The following HSPA14 variants were observed in gnomAD, a reference collection of about 807,000 sequenced individuals.
HSPA14 encodes heat shock protein family A (Hsp70) member 14.
In HSPA14, 37 loss-of-function variants were observed where a neutral mutation model predicts 65.5. The ratio of observed to expected loss-of-function variants is 0.56; its 90% CI spans 0.43 to 0.74. The LOEUF is 0.74. HSPA14 is among the 30% of genes least tolerant of loss of function. HSPA14 has a pLI of 0.00. For missense variants in HSPA14, 564 were observed against 607.6 expected (o/e 0.93, Z 0.75); for synonymous variants, 203 against 214.2 (o/e 0.95, Z 0.46).
At chr10:14,851,059 TTTC>T (rs1347102695) in intron 6 of HSPA14, 157 bp from the exon 7 acceptor site, 15 of 569,634 alleles carry the variant, frequency 2.6e-5, no homozygotes, top group Non-Finnish European at 4.3e-5. Flanking sequence ...TAGTCATTCA[TTTC>T]TTGTTTTCTA....
At chr10:14,862,570 T>C (rs897722268) in intron 10 of HSPA14, among the ~76,000 whole-genome samples, 1 of 149,542 alleles carries the variant, frequency 6.7e-6, no homozygotes, top group Non-Finnish European at 1.5e-5. Flanking sequence ...AGAGACAGGG[T>C]TTCACTGTGT....
intron 4 of HSPA14, 35 bp from the exon 5 acceptor site, chr10:14,848,755 T>A (rs1189428957): frequency 2.1e-6 from 3 of 1,439,042 alleles, no homozygotes; most frequent in Non-Finnish European, 1.9e-6. Flanking sequence ...TTATTAAAAA[T>A]TATTTATTTA....
In HSPA14 at chr10:14,854,255, C is replaced by T; in HGVS notation, c.865C>T (p.Gln289Ter). ...TTTTCTTGACTCATTATATGAAGGT[C>T]AAGATTTTGATTGCAATGTGTCCAG... ...NCFLDSLYEGQDFDCNVSRAR... is the reference protein window; with the variant it reads ...NCFLDSLYEG Residue 289 changes from glutamine to a stop codon, truncating the protein, a stop_gained, in exon 9 of 14, where the codon CAA becomes TAA. Coordinates refer to ENST00000378372, the MANE Select transcript of HSPA14 (RefSeq NM_016299.4). LOFTEE classifies it high-confidence loss of function. 1 of 1,608,234 alleles carries T rather than the reference C, an allele frequency of 6.2e-7. No individual in the cohort carries two copies. Among genetic ancestry groups the T allele is most frequent in the Non-Finnish European group, 8.5e-7 (1 of 1,178,490 alleles).
rs1028231489 is a variant in HSPA14, at chr10:14,871,705, A to G, written c.*99A>G. ...TTAAAATACTTTTTCAATGAACTGT[A>G]TAAACTATGTTTTATTAAACTACAA... On this transcript the variant is annotated 3_prime_UTR_variant, in exon 14 of 14. Transcript: ENST00000378372. 14 of 600,294 alleles carry G rather than the reference A, an allele frequency of 2.3e-5. No homozygotes were observed. Among genetic ancestry groups the G allele is most frequent in the Non-Finnish European group, 2.9e-5 (10 of 346,556 alleles). 37.2% of individuals were successfully genotyped at this position (600,294 alleles called of 1,614,324 possible).
At chr10:14,851,190 T>C in intron 6 of HSPA14, 29 bp from the exon 7 acceptor site, 1 of 1,221,548 alleles carries the variant, frequency 8.2e-7, no homozygotes, top group Non-Finnish European at 1.2e-6. Context: ...TGTGATAAAT[T>C]AAATTCATTG....
At chr10:14,857,903 G>GT (rs112978495) in intron 10 of HSPA14, among the ~76,000 whole-genome samples, 2,315 of 144,494 alleles carry the variant, frequency 0.016, 54 homozygotes, top group African/African-American at 0.054. Flanking sequence ...TATATATTTT[G>GT]TTTTTTTTTT....
At chr10:14,864,254 A>T (rs957840464) in intron 10 of HSPA14, among the ~76,000 whole-genome samples, 16 of 147,040 alleles carry the variant, frequency 1.1e-4, no homozygotes, top group African/African-American at 3.3e-4. Context: ...AAAAAAGTCA[A>T]TATTTTCCAA....
chr10:14,854,350 A>T (rs1479049221), intron 9 of HSPA14, 70 bp downstream of exon 9: 11 of 1,298,952 alleles, frequency 8.5e-6, no homozygotes, highest in Non-Finnish European at 1.2e-5. Context: ...TAATTTTCTT[A>T]CTTTGGGTTT....
rs943274898 is a variant in HSPA14, at chr10:14,842,838, C to T, written c.221+2681C>T. ...CTTGAGGACTCCTGGGATGAATCCT[C>T]GGGTGCAGGTAACTCCCAAGCATGT... On this transcript the variant is annotated intron_variant, in intron 3 of 13. Transcript: ENST00000378372. The surrounding 1 kb of genome is among the most constrained non-coding windows in gnomAD (Gnocchi z 5.2). 25 of 1,530,414 alleles carry T rather than the reference C, an allele frequency of 1.6e-5. No individual in the cohort carries two copies. Among genetic ancestry groups the T allele is most frequent in the African/African-American group, 1.1e-4 (8 of 72,840 alleles). The allele number at this position is 1,530,414 out of a possible 1,614,324, so 94.8% of individuals were successfully genotyped here. A position where few individuals can be genotyped will look rare whatever the true frequency, so the allele number is the denominator to read the frequency against.
At chr10:14,838,754 G>A (rs1833927150) in intron 1 of HSPA14, among the ~76,000 whole-genome samples, 1 of 152,096 alleles carries the variant, frequency 6.6e-6, no homozygotes, top group African/African-American at 2.4e-5. Context: ...TAGCTGCAGG[G>A]TGCCCGGGGG....
intron 12 of HSPA14, 117 bp from the exon 13 acceptor site, chr10:14,870,480 T>C (rs1329285990): frequency 4.2e-6 from 5 of 1,178,530 alleles, no homozygotes; most frequent in Admixed American, 3.5e-5. Flanking sequence ...AAAACTGCCC[T>C]ATTTTAAAAA....
chr10:14,844,661 G>A (rs543240977), intron 3 of HSPA14: 3 of 980,980 alleles, frequency 3.1e-6, no homozygotes, highest in Non-Finnish European at 2.4e-6. Flanking sequence ...AGCCGCCATT[G>A]TGTGTTACGG....
intron 5 of HSPA14, chr10:14,849,438 TA>T: frequency 1.8e-6 from 1 of 553,178 alleles, no homozygotes; most frequent in Non-Finnish European, 3.6e-6. Context: ...GTTAGGAGCT[TA>T]TTCTCCATGG....
Position 14,870,683 on chromosome 10 carries a change from TCTG to T in HSPA14, c.1451+17_1451+19del. ...CTATGAAAAGGTAAAAAATTAAACT[TCTG>T]TTGTTAAGAAAATTCAATTTGATAC... On this transcript the variant is annotated intron_variant, in intron 13 of 13. Coordinates refer to ENST00000378372, the MANE Select transcript of HSPA14 (RefSeq NM_016299.4). 6.5e-7 allele frequency: 1 copy of T among 1,537,482 alleles called. No homozygotes were observed. The highest frequency in any genetic ancestry group is 8.8e-7 in the Non-Finnish European group (1 of 1,135,640).
intron 3 of HSPA14, chr10:14,843,650 C>T: frequency 6.5e-7 from 1 of 1,549,716 alleles, no homozygotes; most frequent in South Asian, 1.2e-5. Context: ...AGGACTATCG[C>T]AGCCGAGTTG....
Position 14,842,364 on chromosome 10 carries a change from C to T in HSPA14, c.221+2207C>T. Reference sequence around the variant, plus strand: ...ACTCTTCTCTCCATACTAGGCGAGGCAGAGTATATTCAGCGCCTCCAGACT... The same window carrying T: ...ACTCTTCTCTCCATACTAGGCGAGGTAGAGTATATTCAGCGCCTCCAGACT... On this transcript the variant is annotated intron_variant, in intron 3 of 13. Coordinates refer to ENST00000378372, the MANE Select transcript of HSPA14 (RefSeq NM_016299.4). This position sits in a 1 kb window ranked among gnomAD's most constrained non-coding sequence, Gnocchi z 5.2. The T allele has an allele frequency of 1.3e-6, 2 of 1,536,138 alleles. No individual in the cohort carries two copies. The highest frequency in any genetic ancestry group is 1.7e-6 in the Non-Finnish European group (2 of 1,146,894).
At position 14,842,209 on chromosome 10, in the gene HSPA14, C is replaced by T. The variant is rs913795038; in HGVS notation, c.221+2052C>T. The T allele has an allele frequency of 6.5e-7, 1 of 1,535,422 alleles. No homozygotes were observed. Among genetic ancestry groups the T allele is most frequent in the Non-Finnish European group, 8.7e-7 (1 of 1,146,848 alleles). On this transcript the variant is annotated intron_variant, in intron 3 of 13. Transcript: ENST00000378372. The surrounding 1 kb of genome is among the most constrained non-coding windows in gnomAD (Gnocchi z 5.2). ...GAAGATCCTGGAGATATCCTGAGAGCACACAGAGCTTCCCCACACCTTCAG... is the reference window on the plus strand; with the variant it reads ...GAAGATCCTGGAGATATCCTGAGAGTACACAGAGCTTCCCCACACCTTCAG...
intron 3 of HSPA14, chr10:14,843,330 C>T (rs1350625957): frequency 1.3e-6 from 2 of 1,548,922 alleles, no homozygotes; most frequent in South Asian, 2.4e-5. Flanking sequence ...ATTCCCTTAG[C>T]AGGAATGTTC....
Position 14,840,118 on chromosome 10 carries a change from C to A in HSPA14, c.182C>A (p.Ser61Ter). The change falls in exon 3 of 14, where the codon TCA (serine) becomes TAA (stop). Residue 61 changes from serine (S) to a stop codon, truncating the protein, a stop_gained. Coordinates refer to ENST00000378372, the MANE Select transcript of HSPA14 (RefSeq NM_016299.4). LOFTEE classifies it high-confidence loss of function. ...AAKQSRIRNI[S>*]NTVMKVKQIL... ...AAACAAAGTAGAATAAGAAATATTT[C>A]AAATACAGTAATGAAAGTAAAGCAG... The A allele has an allele frequency of 6.8e-7, 1 of 1,466,456 alleles. No homozygotes were observed. The highest frequency in any genetic ancestry group is 1.6e-5 in the South Asian group (1 of 63,078). 90.8% of individuals were successfully genotyped at this position (1,466,456 alleles called of 1,614,324 possible). A position where few individuals can be genotyped will look rare whatever the true frequency, so the allele number is the denominator to read the frequency against.
Sources: allele counts gnomAD v4.1 joint callset (sites outside exome capture counted in the v4.1 genomes callset), GRCh38; gene constraint gnomAD v4.1.1; non-coding constraint Gnocchi (gnomAD v3.1); transcripts MANE v1.5; gene names NCBI Gene and HGNC (gene_info 2026-07-23, HGNC 2026-07-21).